PTRH1: variants seen among roughly 807,000 people sequenced by gnomAD.
The protein encoded by PTRH1 is peptidyl-tRNA hydrolase.
Under a neutral mutation model 15.7 loss-of-function variants are expected in PTRH1, and 13 were observed. The ratio of observed to expected loss-of-function variants is 0.83; its 90% CI spans 0.54 to 1.31. The LOEUF is 1.31. PTRH1 is among the 40% of genes most tolerant of loss of function. PTRH1 has a pLI of 0.00. For missense variants in PTRH1, 319 were observed against 296.2 expected (o/e 1.08, Z -0.56); for synonymous variants, 139 against 136.7 (o/e 1.02, Z -0.12).
intron 1 of PTRH1, among the ~76,000 whole-genome samples, chr9:127,702,955 A>G (rs2131578725): frequency 6.7e-6 from 1 of 150,224 alleles, no homozygotes; most frequent in South Asian, 2.1e-4. Flanking sequence ...TCCTGACCTC[A>G]GGTGATCCAC....
downstream of PTRH1, chr9:127,712,391 G>C: frequency 6.2e-7 from 1 of 1,607,488 alleles, no homozygotes; most frequent in Admixed American, 1.7e-5. Context: ...GGGAGGGGGA[G>C]TGAGCGCAAG....
intron 1 of PTRH1, among the ~76,000 whole-genome samples, chr9:127,704,498 A>G (rs1340109729): frequency 6.9e-6 from 1 of 145,156 alleles, no homozygotes; most frequent in Non-Finnish European, 1.5e-5. Context: ...AGAACGAGAC[A>G]CTGTCTCAAA....
At chr9:127,713,484 G>T, downstream of PTRH1, 1 of 292,994 alleles carries the variant, frequency 3.4e-6, no homozygotes, top group Non-Finnish European at 6.2e-6. Flanking sequence ...CAGCTTCCAA[G>T]CCAGCATCTT....
At chr9:127,709,625 AGCTGGCCCAGGTGCGCCAC>A, downstream of PTRH1, 1 of 1,613,894 alleles carries the variant, frequency 6.2e-7, no homozygotes, top group Non-Finnish European at 8.5e-7. This position sits in a 1 kb window ranked among gnomAD's most constrained non-coding sequence, Gnocchi z 4.7. Flanking sequence ...TTCGAGGCGC[AGCTGGCCCAGGTGCGCCAC>A]GAGTTCCAGG....
At chr9:127,711,317 C>T (rs200523076), downstream of PTRH1, 197 of 1,614,172 alleles carry the variant, frequency 1.2e-4, no homozygotes, top group Admixed American at 1.9e-3. Flanking sequence ...GACAACCAAG[C>T]GGGCCATCAA....
rs749004748 is a variant in PTRH1, at chr9:127,715,212, G to T, written c.97-18C>A. 6.5e-7 allele frequency: 1 copy of T among 1,526,892 alleles called. No individual in the cohort carries two copies. Among genetic ancestry groups the T allele is most frequent in the Non-Finnish European group, 8.8e-7 (1 of 1,140,572 alleles). 94.6% of individuals were successfully genotyped at this position (1,526,892 alleles called of 1,614,324 possible). A position where few individuals can be genotyped will look rare whatever the true frequency, so the allele number is the denominator to read the frequency against. On this transcript the variant is annotated intron_variant, in intron 1 of 4. Transcript: ENST00000543175. The surrounding 1 kb of genome is among the most constrained non-coding windows in gnomAD (Gnocchi z 5.8). ...CCAGCCACCTGCGGGCGGCACCAGG[G>T]AAACTGAGGCCCAACAACTCTCGCC...
At position 127,715,439 on chromosome 9, in the gene PTRH1, TAA is replaced by T; in HGVS notation, c.96+103_96+104del. 6.6e-7 allele frequency: 1 copy of T among 1,511,318 alleles called. No homozygotes were observed. Among genetic ancestry groups the T allele is most frequent in the Non-Finnish European group, 9.1e-7 (1 of 1,104,038 alleles). The allele number at this position is 1,511,318 out of a possible 1,614,324, so 93.6% of individuals were successfully genotyped here. A position where few individuals can be genotyped will look rare whatever the true frequency, so the allele number is the denominator to read the frequency against. On this transcript the variant is annotated intron_variant, in intron 1 of 4. Transcript: ENST00000543175. This position sits in a 1 kb window ranked among gnomAD's most constrained non-coding sequence, Gnocchi z 5.8. ...CCCGTCGAGCACTGAACTCACCAGT[TAA>T]GAAAACAGAGCAGCAATTTGGGGGC...
chr9:127,701,112 G>A (rs749126513), intron 1 of PTRH1, among the ~76,000 whole-genome samples: 6 of 152,112 alleles, frequency 3.9e-5, no homozygotes, highest in Non-Finnish European at 5.9e-5. Context: ...GAATATGTAT[G>A]TTTAGCCAAC....
At chr9:127,709,586 A>C (rs747616414), downstream of PTRH1, 1 of 1,614,054 alleles carries the variant, frequency 6.2e-7, no homozygotes, top group Middle Eastern at 1.6e-4. This position sits in a 1 kb window ranked among gnomAD's most constrained non-coding sequence, Gnocchi z 4.7. Flanking sequence ...CAGAACTTGC[A>C]GCTAGCCAAA....
intron 1 of PTRH1, chr9:127,707,295 AC>A: frequency 7.7e-7 from 1 of 1,293,398 alleles, no homozygotes; most frequent in Admixed American, 2.2e-5. Flanking sequence ...CTGTGTTCTG[AC>A]CTCCCCTGGG....
chr9:127,711,718 G>A, downstream of PTRH1: 9 of 1,348,596 alleles, frequency 6.7e-6, no homozygotes, highest in Non-Finnish European at 8.1e-6. Flanking sequence ...GCCCTGGAGA[G>A]CTCACTGGCC....
intron 1 of PTRH1, among the ~76,000 whole-genome samples, chr9:127,698,871 T>C (rs1329535296): frequency 1.3e-5 from 2 of 151,066 alleles, no homozygotes; most frequent in Non-Finnish European, 2.9e-5. Flanking sequence ...CCTGGAGCTG[T>C]CCCTGTCCCA....
At chr9:127,710,850 TAGATGGGGA>T (rs1842750054), downstream of PTRH1, 1 of 1,396,644 alleles carries the variant, frequency 7.2e-7, no homozygotes, top group Admixed American at 2.2e-5. Context: ...ACTGGGGGGT[TAGATGGGGA>T]AACTGACCGC....
downstream of PTRH1, chr9:127,710,827 G>A: frequency 2.7e-6 from 4 of 1,503,990 alleles, no homozygotes; most frequent in Non-Finnish European, 3.6e-6. Context: ...TAGTCTTCAG[G>A]CCTCAGCTTC....
At chr9:127,704,063 C>G (rs1259240450) in intron 1 of PTRH1, among the ~76,000 whole-genome samples, 2 of 152,196 alleles carry the variant, frequency 1.3e-5, no homozygotes, top group African/African-American at 4.8e-5. Context: ...CCACACCTGC[C>G]TAGAGCATAA....
At chr9:127,710,841 C>A, downstream of PTRH1, 2 of 1,453,670 alleles carry the variant, frequency 1.4e-6, no homozygotes, top group Non-Finnish European at 1.9e-6. Flanking sequence ...CAGCTTCTAA[C>A]TGGGGGGTTA....
At chr9:127,711,798 G>A (rs1435980385), downstream of PTRH1, 3 of 1,551,124 alleles carry the variant, frequency 1.9e-6, no homozygotes, top group Non-Finnish European at 1.7e-6. Flanking sequence ...CTGAGGGCAT[G>A]GCCACCTGTC....
downstream of PTRH1, chr9:127,712,719 AT>A: frequency 6.2e-7 from 1 of 1,614,134 alleles, no homozygotes; most frequent in Non-Finnish European, 8.5e-7. Context: ...ATGCACCGCG[AT>A]GAAGAGGACA....
downstream of PTRH1, among the ~76,000 whole-genome samples, chr9:127,709,120 C>T (rs1476765497): frequency 3.3e-5 from 5 of 152,238 alleles, no homozygotes; most frequent in Admixed American, 6.5e-5. This position sits in a 1 kb window ranked among gnomAD's most constrained non-coding sequence, Gnocchi z 4.7. Flanking sequence ...AACAAACACA[C>T]TGCACACCTG....
Sources: gnomAD v4.1 joint callset for allele counts (sites outside exome capture counted in the v4.1 genomes callset) on GRCh38, gnomAD v4.1.1 for gene constraint, Gnocchi (gnomAD v3.1) non-coding constraint, MANE v1.5 for transcripts, NCBI Gene and HGNC (gene_info 2026-07-23, HGNC 2026-07-21) for gene names.